The following PDE11A variants were observed in gnomAD, a reference collection of about 807,000 sequenced individuals.
PDE11A encodes the protein phosphodiesterase 11A.
In PDE11A, 100 loss-of-function variants were observed where a neutral mutation model predicts 100.5. That is an observed-to-expected ratio of 1.00 (90% CI 0.85 to 1.18). PDE11A has a LOEUF of 1.18. Among genes scored for constraint, PDE11A ranks in the 50% most tolerant of loss-of-function variants. PDE11A has a pLI of 0.00. For synonymous variants in PDE11A, 381 were observed against 420.8 expected (o/e 0.91, Z 1.16); for missense variants, 1,141 against 1,152.6 (o/e 0.99, Z 0.15).
chr2:178,056,415 T>C (rs2086899987), intron 1 of PDE11A, among the ~76,000 whole-genome samples: 1 of 152,152 alleles, frequency 6.6e-6, no homozygotes, highest in Non-Finnish European at 1.5e-5. Flanking sequence ...CTAAGAGATA[T>C]ATCAAAGAAA....
At chr2:177,739,652 T>C (rs903739615) in intron 10 of PDE11A, among the ~76,000 whole-genome samples, 25 of 152,238 alleles carry the variant, frequency 1.6e-4, no homozygotes, top group African/African-American at 5.8e-4. Flanking sequence ...ACTTCTGAAA[T>C]GAAGCATCTC....
intron 2 of PDE11A, among the ~76,000 whole-genome samples, chr2:177,934,223 G>A (rs1002920219): frequency 4.6e-5 from 7 of 152,102 alleles, no homozygotes; most frequent in Admixed American, 3.3e-4. Context: ...AAAAACATTT[G>A]CAAACTATGC....
intron 1 of PDE11A, among the ~76,000 whole-genome samples, chr2:178,058,823 A>G (rs529030222): frequency 3.9e-4 from 59 of 152,308 alleles, no homozygotes; most frequent in Middle Eastern, 6.8e-3. Flanking sequence ...ATAAATAGCA[A>G]GAGTCATACA....
intron 4 of PDE11A, 60 bp from the exon 5 acceptor site, chr2:177,875,983 A>AT (rs1448912089): frequency 1.1e-6 from 1 of 952,268 alleles, no homozygotes; most frequent in African/African-American, 1.6e-5. Flanking sequence ...GTTTAAAATA[A>AT]TGTAATAAAC....
intron 9 of PDE11A, among the ~76,000 whole-genome samples, chr2:177,803,796 C>T (rs1227662909): frequency 1.3e-5 from 2 of 151,852 alleles, no homozygotes; most frequent in Non-Finnish European, 2.9e-5. Context: ...ATAGAAGGAA[C>T]ATACCTCAAC....
chr2:177,672,402 G>C lies in PDE11A; in HGVS notation c.2488-2835C>G, dbSNP rs116603361. Reference sequence around the variant, plus strand: ...GGAATTTAAGAATATACTTGTTACTGAACCAAGGCCTAGCCTAGCCTTGAC... The same window carrying C: ...GGAATTTAAGAATATACTTGTTACTCAACCAAGGCCTAGCCTAGCCTTGAC... On this transcript the variant is annotated intron_variant, in intron 17 of 19. Transcript: ENST00000286063. Among the ~76,000 whole-genome samples, 990 of 152,262 alleles carry C rather than the reference G, an allele frequency of 6.5e-3. 12 individuals are homozygous for C. Among genetic ancestry groups the C allele is most frequent in the African/African-American group, 0.022 (910 of 41,554 alleles).
intron 4 of PDE11A, among the ~76,000 whole-genome samples, chr2:177,878,116 T>C (rs141967891): frequency 6.6e-6 from 1 of 152,270 alleles, no homozygotes; most frequent in Non-Finnish European, 1.5e-5. Context: ...CAGATGAATG[T>C]AGGGCAATGA....
intron 13 of PDE11A, among the ~76,000 whole-genome samples, chr2:177,708,960 T>A (rs1322460424): frequency 6.6e-6 from 1 of 152,106 alleles, no homozygotes; most frequent in African/African-American, 2.4e-5. Flanking sequence ...AAGGTGATGC[T>A]TTCAGAGGAG....
At chr2:177,689,230 G>A (rs995297421) in intron 15 of PDE11A, among the ~76,000 whole-genome samples, 2 of 152,086 alleles carry the variant, frequency 1.3e-5, no homozygotes, top group African/African-American at 4.8e-5. Flanking sequence ...TTACAGGCAT[G>A]CACCACCACG....
At chr2:177,640,075 G>A (rs2080116876) in intron 19 of PDE11A, among the ~76,000 whole-genome samples, 1 of 152,198 alleles carries the variant, frequency 6.6e-6, no homozygotes, top group Non-Finnish European at 1.5e-5. Flanking sequence ...TATTTCCAGA[G>A]TTGCTAGTGA....
intron 4 of PDE11A, among the ~76,000 whole-genome samples, chr2:177,886,364 G>A (rs2084429224): frequency 6.6e-6 from 1 of 152,128 alleles, no homozygotes; most frequent in Non-Finnish European, 1.5e-5. Flanking sequence ...CAGGAGAAAG[G>A]GCTAGAACAG....
intron 18 of PDE11A, among the ~76,000 whole-genome samples, chr2:177,665,327 A>T (rs960751356): frequency 4.1e-5 from 6 of 145,146 alleles, no homozygotes; most frequent in Non-Finnish European, 9.0e-5. Flanking sequence ...AAAAAAAAAA[A>T]AAATTAGCCA....
rs181751966 is a variant in PDE11A, at chr2:178,040,873, G to A, written c.913-26413C>T. Among the ~76,000 whole-genome samples the A allele has an allele frequency of 2.5e-3, 379 of 152,188 alleles. 2 individuals are homozygous for A. Among genetic ancestry groups the A allele is most frequent in the African/African-American group, 8.3e-3 (345 of 41,518 alleles). On this transcript the variant is annotated intron_variant, in intron 1 of 19. Transcript: ENST00000286063. ...TTTCATAATAGTGTCTGACATGCAC[G>A]TAATTTAAAGTCAACAAATACAGAA... is the stretch of plus-strand genomic sequence containing the variant.
At chr2:177,845,871 C>G (rs2083589623) in intron 5 of PDE11A, among the ~76,000 whole-genome samples, 1 of 152,308 alleles carries the variant, frequency 6.6e-6, no homozygotes, top group Non-Finnish European at 1.5e-5. Context: ...TCCACCAAAA[C>G]CAGTCAGGCG....
At chr2:178,099,264 A>G (rs2087532434) in intron 2 of PDE11A, among the ~76,000 whole-genome samples, 1 of 151,988 alleles carries the variant, frequency 6.6e-6, no homozygotes, top group Non-Finnish European at 1.5e-5. Flanking sequence ...CGTCTCTACT[A>G]AAAATACAAC....
At chr2:177,969,161 C>A (rs1034007331) in intron 2 of PDE11A, among the ~76,000 whole-genome samples, 1 of 152,118 alleles carries the variant, frequency 6.6e-6, no homozygotes, top group African/African-American at 2.4e-5. Context: ...AGCGAACTAA[C>A]ACAGGAACAG....
intron 1 of PDE11A, among the ~76,000 whole-genome samples, chr2:178,105,417 C>T (rs2087606614): frequency 6.6e-6 from 1 of 152,078 alleles, no homozygotes; most frequent in Admixed American, 6.6e-5. Flanking sequence ...TGAGATTGCG[C>T]CACTGCACTC....
At chr2:177,990,922 A>G (rs951864601) in intron 2 of PDE11A, among the ~76,000 whole-genome samples, 1 of 150,896 alleles carries the variant, frequency 6.6e-6, no homozygotes, top group Non-Finnish European at 1.5e-5. Context: ...TGAACCCAGG[A>G]GGTAGAGGTT....
At chr2:178,004,236 C>T (rs962203496) in intron 2 of PDE11A, among the ~76,000 whole-genome samples, 2 of 151,648 alleles carry the variant, frequency 1.3e-5, no homozygotes, top group South Asian at 4.2e-4. Context: ...ATAACAAGCT[C>T]ATATTACTTT....
Sources: gnomAD v4.1 joint callset for allele counts (sites outside exome capture counted in the v4.1 genomes callset) on GRCh38, gnomAD v4.1.1 for gene constraint, MANE v1.5 for transcripts, NCBI Gene and HGNC (gene_info 2026-07-23, HGNC 2026-07-21) for gene names.